Variants in MAP3K5 observed in about 807,000 individuals in gnomAD.
MAP3K5 encodes the protein mitogen-activated protein kinase kinase kinase 5.
A neutral mutation model predicts 158.7 loss-of-function variants in MAP3K5; 56 were observed. The observed-to-expected ratio is 0.35, with a 90% CI of 0.28 to 0.44. MAP3K5 has a LOEUF of 0.44. Among genes scored for constraint, MAP3K5 ranks in the 20% least tolerant of loss-of-function variants. The pLI, the probability that MAP3K5 is intolerant of heterozygous loss-of-function variation, is 1.00. For missense variants in MAP3K5, 1,294 were observed against 1,674.8 expected (o/e 0.77, Z 3.97); for synonymous variants, 579 against 601.7 (o/e 0.96, Z 0.55).
chr6:136,709,638 T>C (rs528088777), intron 2 of MAP3K5, among the ~76,000 whole-genome samples: 2 of 152,260 alleles, frequency 1.3e-5, no homozygotes, highest in Non-Finnish European at 2.9e-5. Context: ...AGTGCCAATA[T>C]GCTATATCTT....
At chr6:136,621,813 A>G (rs1341692012) in intron 15 of MAP3K5, among the ~76,000 whole-genome samples, 4 of 152,206 alleles carry the variant, frequency 2.6e-5, no homozygotes, top group Admixed American at 2.0e-4. Flanking sequence ...TTTGCCGGGC[A>G]TGGTGGCTCA....
chr6:136,595,134 T>C (rs1465042960), intron 21 of MAP3K5, among the ~76,000 whole-genome samples: 6 of 152,180 alleles, frequency 3.9e-5, no homozygotes, highest in African/African-American at 9.7e-5. Context: ...TATTTTATTT[T>C]TGAGACAGAG....
chr6:136,647,191 C>T (rs76052471), intron 11 of MAP3K5, among the ~76,000 whole-genome samples: 1,990 of 152,264 alleles, frequency 0.013, 49 homozygotes, highest in African/African-American at 0.045. Flanking sequence ...GAGCCTCAGA[C>T]TTCAGAAATC....
intron 3 of MAP3K5, among the ~76,000 whole-genome samples, chr6:136,702,153 T>C (rs1009700793): frequency 1.3e-5 from 2 of 152,152 alleles, no homozygotes; most frequent in Non-Finnish European, 2.9e-5. Context: ...TTCTTTAGAG[T>C]TTCTTTCCTA....
chr6:136,662,577 C>T (rs1418531222), intron 8 of MAP3K5, among the ~76,000 whole-genome samples: 1 of 151,984 alleles, frequency 6.6e-6, no homozygotes, highest in African/African-American at 2.4e-5. Flanking sequence ...CTCTCTTCCT[C>T]TCTCTTTCTC....
intron 12 of MAP3K5, among the ~76,000 whole-genome samples, chr6:136,639,870 G>C (rs1405578159): frequency 6.6e-6 from 1 of 152,200 alleles, no homozygotes; most frequent in Non-Finnish European, 1.5e-5. Context: ...CTGCTCTAGG[G>C]TGTTGCAAGC....
rs1490159984 is a variant in MAP3K5, at chr6:136,609,638, C to CA, written c.2521+1643dup. Among the ~76,000 whole-genome samples, 1 of 149,424 alleles carries CA rather than the reference C, an allele frequency of 6.7e-6. No homozygotes were observed. The highest frequency in any genetic ancestry group is 2.1e-4 in the South Asian group (1 of 4,676). ...TGAAACCCTGTCTCTACCAAAAATA[C>CA]AAAAAATTAGCCAGGCATGGAGGTG... On this transcript the variant is annotated intron_variant, in intron 18 of 29. Transcript: ENST00000359015. This position sits in a 1 kb window ranked among gnomAD's most constrained non-coding sequence, Gnocchi z 4.4.
chr6:136,664,834 A>T (rs936827786), intron 8 of MAP3K5, among the ~76,000 whole-genome samples: 1 of 152,176 alleles, frequency 6.6e-6, no homozygotes, highest in Admixed American at 6.5e-5. Context: ...AGAAGGCTGC[A>T]GCATGAGAAT....
chr6:136,615,364 A>T (rs933111309), intron 15 of MAP3K5, among the ~76,000 whole-genome samples: 1 of 152,214 alleles, frequency 6.6e-6, no homozygotes, highest in African/African-American at 2.4e-5. Flanking sequence ...CTTCCCTTGC[A>T]GGGGTTAAAG....
At chr6:136,584,316 G>A (rs2129076886) in intron 23 of MAP3K5, 1 of 152,486 alleles carries the variant, frequency 6.6e-6, no homozygotes, top group African/African-American at 2.4e-5. Context: ...AGACAATAGG[G>A]AGTGTATTAG....
At position 136,747,821 on chromosome 6, in the gene MAP3K5, G is replaced by C. The variant is rs541593618; in HGVS notation, c.449-27232C>G. On this transcript the variant is annotated intron_variant, in intron 1 of 29. Transcript: ENST00000359015. ...AGGGACCACATTTTGAGTAGCAAGG[G>C]TGTAGACTATTGTCAAGTGATCTCC... is the stretch of plus-strand genomic sequence containing the variant. Among the ~76,000 whole-genome samples, 8 of 152,258 alleles carry C rather than the reference G, an allele frequency of 5.3e-5. No homozygotes were observed. In the South Asian group the frequency reaches 1.5e-3, roughly 28 times the overall value.
chr6:136,583,828 A>G (rs1774996420), intron 23 of MAP3K5, 88 bp from the exon 24 acceptor site: 7 of 1,247,502 alleles, frequency 5.6e-6, no homozygotes, highest in Non-Finnish European at 7.8e-6. Flanking sequence ...CTGCCCCCAC[A>G]TTTTTTTTTC....
At chr6:136,647,884 T>C (rs1431174991) in intron 11 of MAP3K5, 7 of 152,384 alleles carry the variant, frequency 4.6e-5, no homozygotes, top group Admixed American at 3.3e-4. Context: ...GAACCCATAA[T>C]GTCCTCCTCA....
rs146900058 is a variant in MAP3K5 at position 136,596,148 on chromosome 6, C to A, written c.2879-3534G>T. 4.7e-4 allele frequency among the ~76,000 whole-genome samples: 72 copies of A among 152,110 alleles called. 1 individual carries two copies. In the East Asian group the frequency reaches 0.014, roughly 29 times the overall value. Reference sequence around the variant, plus strand: ...GATAAAAAGACAGCATAGACCCGGCCCTTAAGAATGCCAATATTTAGAGGA... The same window carrying A: ...GATAAAAAGACAGCATAGACCCGGCACTTAAGAATGCCAATATTTAGAGGA... On this transcript the variant is annotated intron_variant, in intron 21 of 29. Transcript: ENST00000359015.
chr6:136,733,729 T>TCCCCCATTGTCAACAACCC (rs1782327701), intron 1 of MAP3K5, among the ~76,000 whole-genome samples: 1 of 149,044 alleles, frequency 6.7e-6, no homozygotes, highest in African/African-American at 2.6e-5. Context: ...ACACACAGCC[T>TCCCCCATTGTCAACAACCC]CCCCCATTGT....
rs866964997 is a variant in MAP3K5, at chr6:136,791,797, C to T, written c.361G>A (p.Glu121Lys). 2.5e-6 allele frequency: 4 copies of T among 1,613,734 alleles called. No individual in the cohort carries two copies. Among genetic ancestry groups the T allele is most frequent in the Non-Finnish European group, 3.4e-6 (4 of 1,180,024 alleles). ...EALQSLREAC[E>K]TVGATLETLH... ...GTTTCCAGGGTGGCGCCCACTGTCT[C>T]GCACGCCTCCCGCAAGCTCTGCAGG... The change falls in exon 1 of 30, where the codon GAG becomes AAG. Residue 121 changes from glutamate to lysine, a missense_variant. Physicochemically the swap from Glu to Lys is moderately conservative, Grantham distance 56. Coordinates refer to ENST00000359015, the MANE Select transcript of MAP3K5 (RefSeq NM_005923.4).
chr6:136,791,575 C>G (rs1582713149), intron 1 of MAP3K5, 135 bp downstream of exon 1: 1 of 916,086 alleles, frequency 1.1e-6, no homozygotes, highest in East Asian at 2.4e-5. Flanking sequence ...GGAGCAGTCA[C>G]GCAGCGGCGC....
intron 7 of MAP3K5, among the ~76,000 whole-genome samples, chr6:136,682,258 T>C (rs1779968938): frequency 6.6e-6 from 1 of 152,118 alleles, no homozygotes; most frequent in Non-Finnish European, 1.5e-5. Context: ...AATAAAGGAC[T>C]AAGCAAAAAT....
intron 8 of MAP3K5, among the ~76,000 whole-genome samples, chr6:136,664,528 T>G (rs1049456874): frequency 3.3e-5 from 5 of 152,176 alleles, no homozygotes; most frequent in Non-Finnish European, 7.3e-5. Context: ...TCTAGTGTGC[T>G]CACCTTCTGA....
Sources: gnomAD v4.1 joint callset for allele counts (sites outside exome capture counted in the v4.1 genomes callset) on GRCh38, gnomAD v4.1.1 for gene constraint, Gnocchi (gnomAD v3.1) non-coding constraint, MANE v1.5 for transcripts, NCBI Gene and HGNC (gene_info 2026-07-23, HGNC 2026-07-21) for gene names.